The following LY96 variants were observed in gnomAD, a reference collection of about 807,000 sequenced individuals.
LY96 encodes lymphocyte antigen 96.
Under a neutral mutation model 18.9 loss-of-function variants are expected in LY96, and 18 were observed. The observed-to-expected ratio is 0.95, with a 90% CI of 0.66 to 1.41. LY96 has a LOEUF of 1.41. Among genes scored for constraint, LY96 ranks in the 40% most tolerant of loss-of-function variants. LY96 has a pLI of 0.00. For missense variants in LY96, 175 were observed against 182.4 expected (o/e 0.96, Z 0.23); for synonymous variants, 66 against 62.6 (o/e 1.06, Z -0.26).
At chr8:74,050,439 C>T in the LY96 span, among the ~76,000 whole-genome samples, 1 of 151,992 alleles carries the variant, frequency 6.6e-6, no homozygotes, top group African/African-American at 2.4e-5. Context: ...AACACATACC[C>T]ACCCGCCCAC....
chr8:74,091,328 GTTCT>G, the LY96 span, among the ~76,000 whole-genome samples: 1 of 152,206 alleles, frequency 6.6e-6, no homozygotes, highest in Admixed American at 6.5e-5. Context: ...CAGCTGGCTG[GTTCT>G]TTCTTGTCCA....
chr8:73,996,295 G>A (rs1180527549), intron 1 of LY96, among the ~76,000 whole-genome samples: 3 of 151,910 alleles, frequency 2.0e-5, no homozygotes, highest in Admixed American at 6.6e-5. Context: ...GAGCCACCAC[G>A]CTAGGCCTAA....
intron 1 of LY96, among the ~76,000 whole-genome samples, chr8:73,998,329 A>C (rs552817980): frequency 1.3e-5 from 2 of 152,212 alleles, no homozygotes; most frequent in South Asian, 4.1e-4. Context: ...ATTATATCAC[A>C]GTATCACAAA....
intron 1 of LY96, among the ~76,000 whole-genome samples, chr8:73,999,376 C>T (rs1816217539): frequency 6.6e-6 from 1 of 152,022 alleles, no homozygotes; most frequent in African/African-American, 2.4e-5. Flanking sequence ...AGTGATCTTC[C>T]CACCTCAGCC....
chr8:74,070,097 T>TC, the LY96 span, among the ~76,000 whole-genome samples: 2 of 149,134 alleles, frequency 1.3e-5, no homozygotes, highest in East Asian at 3.9e-4. Flanking sequence ...CAATTTTCTT[T>TC]CTTTTTTTTT....
At chr8:74,065,070 G>C in the LY96 span, among the ~76,000 whole-genome samples, 1 of 152,168 alleles carries the variant, frequency 6.6e-6, no homozygotes, top group South Asian at 2.1e-4. Context: ...GTGATGCCCA[G>C]CCATGACTTC....
intron 3 of LY96, among the ~76,000 whole-genome samples, chr8:74,011,697 A>C (rs1288133004): frequency 2.0e-5 from 3 of 152,148 alleles, no homozygotes; most frequent in African/African-American, 7.2e-5. Flanking sequence ...CATCTCTACT[A>C]AAACTACAAA....
the LY96 span, among the ~76,000 whole-genome samples, chr8:74,046,017 G>T: frequency 6.6e-6 from 1 of 152,182 alleles, no homozygotes; most frequent in Admixed American, 6.5e-5. Context: ...GGTGGCTCGT[G>T]CCTGAAATCC....
At chr8:74,046,015 G>A in the LY96 span, among the ~76,000 whole-genome samples, 13 of 152,218 alleles carry the variant, frequency 8.5e-5, no homozygotes, top group Non-Finnish European at 1.5e-4. Flanking sequence ...ACGGTGGCTC[G>A]TGCCTGAAAT....
At chr8:74,022,375 C>G (rs767149739) in intron 3 of LY96, among the ~76,000 whole-genome samples, 1 of 151,682 alleles carries the variant, frequency 6.6e-6, no homozygotes, top group African/African-American at 2.4e-5. Context: ...CCACTGCACT[C>G]CAGCCTGGGC....
At chr8:74,081,114 T>C in the LY96 span, among the ~76,000 whole-genome samples, 17 of 141,014 alleles carry the variant, frequency 1.2e-4, no homozygotes, top group African/African-American at 4.2e-4. Flanking sequence ...TCTTTCTTTC[T>C]TTCTTTCTTT....
chr8:74,011,716 A>C (rs972971813), intron 3 of LY96, among the ~76,000 whole-genome samples: 1 of 152,076 alleles, frequency 6.6e-6, no homozygotes, highest in African/African-American at 2.4e-5. Context: ...AAAATTAGCC[A>C]GGTGTGGTGG....
chr8:74,076,607 A>T, the LY96 span, among the ~76,000 whole-genome samples: 1 of 151,926 alleles, frequency 6.6e-6, no homozygotes, highest in Admixed American at 6.6e-5. Context: ...TTACAGGCGT[A>T]AGTCACTGCG....
At chr8:74,052,221 C>T in the LY96 span, 3 of 152,156 alleles carry the variant, frequency 2.0e-5, no homozygotes, top group South Asian at 6.2e-4. Context: ...GCGGGAGGCC[C>T]ACAGGGGCTG....
the LY96 span, among the ~76,000 whole-genome samples, chr8:74,074,335 T>G: frequency 2.1e-3 from 321 of 152,360 alleles, 1 homozygote; most frequent in African/African-American, 6.5e-3. Flanking sequence ...CTAGACTTTT[T>G]TAACACTGAA....
At chr8:74,034,932 T>C in the LY96 span, among the ~76,000 whole-genome samples, 1 of 152,204 alleles carries the variant, frequency 6.6e-6, no homozygotes, top group Non-Finnish European at 1.5e-5. Flanking sequence ...CCTACTGAGC[T>C]GTTATGTGAC....
At chr8:74,009,255 C>G (rs1043833621) in intron 2 of LY96, among the ~76,000 whole-genome samples, 1 of 150,852 alleles carries the variant, frequency 6.6e-6, no homozygotes, top group Non-Finnish European at 1.5e-5. Flanking sequence ...ATTAGCTGGG[C>G]ACGGTGGTAG....
rs538303566 is a variant in LY96, at chr8:74,026,858, A to G, written c.384+17A>G. 16 of 1,288,352 alleles carry G rather than the reference A, an allele frequency of 1.2e-5. No homozygotes were observed. The African/African-American group carries it at 1.7e-4, about 14-fold the overall frequency. The allele number at this position is 1,288,352 out of a possible 1,614,324, so 79.8% of individuals were successfully genotyped here. A position where few individuals can be genotyped will look rare whatever the true frequency, so the allele number is the denominator to read the frequency against. On this transcript the variant is annotated intron_variant, in intron 4 of 4. Transcript: ENST00000284818. ...TTTTCTAAGGTATTGTTCAAGATTT[A>G]TTTTGTACTGTCTAACCTTTAGCAG... is the stretch of plus-strand genomic sequence containing the variant.
chr8:74,051,182 G>T, the LY96 span, among the ~76,000 whole-genome samples: 2 of 152,198 alleles, frequency 1.3e-5, no homozygotes, highest in Admixed American at 1.3e-4. Flanking sequence ...AGAGGAAGCA[G>T]TAATTCAAAG....
Sources: gnomAD v4.1 joint callset for allele counts (sites outside exome capture counted in the v4.1 genomes callset) on GRCh38, gnomAD v4.1.1 for gene constraint, MANE v1.5 for transcripts, NCBI Gene and HGNC (gene_info 2026-07-23, HGNC 2026-07-21) for gene names.